The following ZNF875 variants were observed in gnomAD, a reference collection of about 807,000 sequenced individuals.
ZNF875 encodes the protein zinc finger protein 875.
A neutral mutation model predicts 11.2 loss-of-function variants in ZNF875; 14 were observed. The observed-to-expected ratio is 1.26, with a 90% CI of 0.83 to 1.96. The LOEUF is 1.96. ZNF875 is among the 30% of genes most tolerant of loss of function. ZNF875 has a pLI of 0.00. For synonymous variants in ZNF875, 301 were observed against 281.1 expected, an observed-to-expected ratio of 1.07 and a Z score of -0.71; for missense variants, 752 against 760.4, an observed-to-expected ratio of 0.99 and a Z score of 0.13.
At chr19:37,319,345 A>ATATATATATATATATATATATATATATG (rs2030843714) in intron 1 of ZNF875, among the ~76,000 whole-genome samples, 1 of 10,420 alleles carries the variant, frequency 9.6e-5, no homozygotes, top group African/African-American at 2.3e-4. Flanking sequence ...TGCAGCCGGC[A>ATATATATATATATATATATATATATATG]TATATATATA....
chr19:37,344,874 T>C (rs1216379863), intron 2 of ZNF875: 1 of 789,550 alleles, frequency 1.3e-6, no homozygotes, highest in African/African-American at 1.7e-5. Flanking sequence ...TGAGAAGGGG[T>C]TGTAAAAGCA....
At chr19:37,318,241 C>T (rs752189783) in intron 1 of ZNF875, 1 of 152,426 alleles carries the variant, frequency 6.6e-6, no homozygotes, top group Non-Finnish European at 1.5e-5. Flanking sequence ...TATTTCTAGG[C>T]AGGTGTTTTG....
intron 2 of ZNF875, among the ~76,000 whole-genome samples, chr19:37,339,347 G>T (rs942308080): frequency 6.6e-6 from 1 of 151,940 alleles, no homozygotes; most frequent in African/African-American, 2.4e-5. Flanking sequence ...TTGAATGGAT[G>T]AACTCATCCA....
Position 37,334,706 on chromosome 19 carries a change from CTT to C in ZNF875, c.-132_-131del, listed in dbSNP as rs1312212048. The C allele has an allele frequency of 4.4e-6, 2 of 455,984 alleles. No homozygotes were observed. The highest frequency in any genetic ancestry group is 7.0e-5 in the East Asian group (1 of 14,376). The allele number at this position is 455,984 out of a possible 1,614,324, so 28.2% of individuals were successfully genotyped here. On this transcript the variant is annotated 5_prime_UTR_variant, in exon 1 of 5. Transcript: ENST00000392153. The stretch of plus-strand genomic sequence containing the variant: ...GGTTGGGACCCGGGAAGGCCTCCCT[CTT>C]AAGGTCTTTCCCACACCTCTGCACC...
intron 4 of ZNF875, among the ~76,000 whole-genome samples, chr19:37,326,332 TC>T (rs2032426597): frequency 1.3e-5 from 2 of 152,140 alleles, no homozygotes; most frequent in South Asian, 4.1e-4. Flanking sequence ...CCTCCTTTAT[TC>T]CCATCTACCC....
rs117713815 is a variant in ZNF875 at position 37,325,227 on chromosome 19, G to A, written c.-603+962G>A. Among the ~76,000 whole-genome samples, 273 of 152,228 alleles carry A rather than the reference G, an allele frequency of 1.8e-3. 1 individual carries two copies. In the East Asian group the frequency reaches 0.025, roughly 14 times the overall value. On this transcript the variant is annotated intron_variant, in intron 4 of 5. Coordinates refer to the ZNF875 transcript ENST00000544914. ...ACTCTCCTGCTGTGCATAGATGGGGGCCCGTCCACACCCGAATCTCCTGGG... is the reference window on the plus strand; with the variant it reads ...ACTCTCCTGCTGTGCATAGATGGGGACCCGTCCACACCCGAATCTCCTGGG...
chr19:37,327,440 T>C (rs1474586699), intron 4 of ZNF875, among the ~76,000 whole-genome samples: 2 of 152,174 alleles, frequency 1.3e-5, no homozygotes, highest in Non-Finnish European at 2.9e-5. Flanking sequence ...TTATTTTCTA[T>C]ATATTTTAGA....
upstream of ZNF875, among the ~76,000 whole-genome samples, chr19:37,331,909 C>T (rs1189716891): frequency 2.9e-4 from 38 of 131,798 alleles, no homozygotes; most frequent in South Asian, 3.1e-3. Context: ...GTCTCCTGCC[C>T]GTCCCTGGGC....
intron 1 of ZNF875, among the ~76,000 whole-genome samples, chr19:37,319,893 T>G (rs1437291004): frequency 6.6e-6 from 1 of 152,186 alleles, no homozygotes; most frequent in Non-Finnish European, 1.5e-5. Context: ...TTTTATTTAT[T>G]TATGTTTTTT....
At chr19:37,340,113 G>C (rs1321917780) in intron 2 of ZNF875, among the ~76,000 whole-genome samples, 1 of 151,988 alleles carries the variant, frequency 6.6e-6, no homozygotes, top group Non-Finnish European at 1.5e-5. Context: ...CTCCCAAGTA[G>C]CTGGAATTAC....
chr19:37,343,384 AAC>A (rs929804665), intron 2 of ZNF875, among the ~76,000 whole-genome samples: 1 of 151,980 alleles, frequency 6.6e-6, no homozygotes, highest in African/African-American at 2.4e-5. Flanking sequence ...AAAAAAAAAA[AAC>A]CAAACAAACT....
At chr19:37,318,542 G>A (rs1203470937) in intron 1 of ZNF875, among the ~76,000 whole-genome samples, 1 of 144,576 alleles carries the variant, frequency 6.9e-6, no homozygotes, top group Non-Finnish European at 1.5e-5. Context: ...TTTTTTTTGA[G>A]ACAGAGTCTC....
At chr19:37,352,874 C>CTTTTTTTTTTT (rs60469285) in intron 4 of ZNF875, among the ~76,000 whole-genome samples, 1 of 87,766 alleles carries the variant, frequency 1.1e-5, no homozygotes, top group Admixed American at 1.2e-4. Flanking sequence ...ATTCTTTTTT[C>CTTTTTTTTTTT]TTTTTTTTTT....
upstream of ZNF875, among the ~76,000 whole-genome samples, chr19:37,329,821 C>T (rs2033104878): frequency 6.6e-6 from 1 of 152,172 alleles, no homozygotes. Flanking sequence ...TCCAGCTTTT[C>T]CTGGATGCTC....
chr19:37,341,358 G>A (rs1443021430), intron 2 of ZNF875, among the ~76,000 whole-genome samples: 2 of 152,116 alleles, frequency 1.3e-5, no homozygotes, highest in East Asian at 3.9e-4. Flanking sequence ...TGCTGCAGTC[G>A]GCTGGCATTT....
In ZNF875 at chr19:37,363,818, G is replaced by GAGTC; in HGVS notation, c.*45_*48dup. On this transcript the variant is annotated 3_prime_UTR_variant, in exon 5 of 5. Coordinates refer to ENST00000392153, the MANE Select transcript of ZNF875 (RefSeq NM_001353803.2). The stretch of plus-strand genomic sequence containing the variant: ...GGAATGTGGTACAGCCTTTAGCCAG[G>GAGTC]AGTCATACTTCATCAGACACCAGAG... 6.6e-7 allele frequency: 1 copy of GAGTC among 1,523,198 alleles called. No homozygotes were observed. Among genetic ancestry groups the GAGTC allele is most frequent in the Non-Finnish European group, 9.1e-7 (1 of 1,104,174 alleles). 94.4% of individuals were successfully genotyped at this position (1,523,198 alleles called of 1,614,324 possible).
intron 1 of ZNF875, among the ~76,000 whole-genome samples, chr19:37,321,207 A>C (rs971696546): frequency 6.6e-6 from 1 of 152,074 alleles, no homozygotes; most frequent in Non-Finnish European, 1.5e-5. Flanking sequence ...GACACCTGTA[A>C]AGGGTCCGTG....
intron 2 of ZNF875, among the ~76,000 whole-genome samples, chr19:37,335,900 C>T (rs1568583635): frequency 6.6e-6 from 1 of 152,136 alleles, no homozygotes; most frequent in Non-Finnish European, 1.5e-5. Context: ...CTGAATTTTA[C>T]CTTTGAGTTC....
At chr19:37,338,100 G>A (rs922801630) in intron 2 of ZNF875, among the ~76,000 whole-genome samples, 8 of 152,082 alleles carry the variant, frequency 5.3e-5, no homozygotes, top group African/African-American at 1.9e-4. Flanking sequence ...ATTTCCCAAG[G>A]TAACATTGAA....
Sources: gnomAD v4.1 joint callset for allele counts (sites outside exome capture counted in the v4.1 genomes callset) on GRCh38, gnomAD v4.1.1 for gene constraint, MANE v1.5 for transcripts, NCBI Gene and HGNC (gene_info 2026-07-23, HGNC 2026-07-21) for gene names.